The following PLXNA2 variants were observed in gnomAD, a reference collection of about 807,000 sequenced individuals.
PLXNA2 encodes the protein plexin-A2.
Under a neutral mutation model 193.5 loss-of-function variants are expected in PLXNA2, and 91 were observed. That is an observed-to-expected ratio of 0.47 (90% CI 0.40 to 0.56). The LOEUF (loss-of-function observed/expected upper bound fraction) is 0.56. PLXNA2 is among the 20% of genes least tolerant of loss of function. The pLI is 0.00. For synonymous variants in PLXNA2, 997 were observed against 1,027.3 expected, an observed-to-expected ratio of 0.97 and a Z score of 0.56; for missense variants, 1,995 against 2,503.2, an observed-to-expected ratio of 0.80 and a Z score of 4.33.
chr1:208,159,597 C>A (rs948550074), intron 3 of PLXNA2, among the ~76,000 whole-genome samples: 1 of 152,254 alleles, frequency 6.6e-6, no homozygotes, highest in East Asian at 1.9e-4. Flanking sequence ...CTCTGACAGC[C>A]AAGGGCTGGT....
At chr1:208,147,796 T>C (rs1668644712) in intron 3 of PLXNA2, among the ~76,000 whole-genome samples, 1 of 152,148 alleles carries the variant, frequency 6.6e-6, no homozygotes, top group African/African-American at 2.4e-5. Flanking sequence ...GCAGAGTAGA[T>C]GGGTCATCTA....
chr1:208,210,551 G>A, intron 2 of PLXNA2, 89 bp from the exon 3 acceptor site: 10 of 1,179,788 alleles, frequency 8.5e-6, no homozygotes, highest in Non-Finnish European at 1.2e-5. Flanking sequence ...TCCAGCCTTA[G>A]GACACCAGGC....
Position 208,030,320 on chromosome 1 carries a change from A to T in PLXNA2, c.5225+1270T>A, listed in dbSNP as rs1367468296. Reference sequence around the variant, plus strand: ...GATGCCAGGGTAGTCCATTTCTATTACTTGGATCTGGCCAGCACACAGAAG... The same window carrying T: ...GATGCCAGGGTAGTCCATTTCTATTTCTTGGATCTGGCCAGCACACAGAAG... On this transcript the variant is annotated intron_variant, in intron 29 of 31. Transcript: ENST00000367033. The T allele has an allele frequency of 5.1e-6, 5 of 985,506 alleles. No individual in the cohort carries two copies. The East Asian group carries it at 5.7e-4, about 112-fold the overall frequency. The allele number at this position is 985,506 out of a possible 1,614,324, so 61.0% of individuals were successfully genotyped here.
chr1:208,112,128 T>C (rs542820851), intron 4 of PLXNA2, among the ~76,000 whole-genome samples: 3 of 152,202 alleles, frequency 2.0e-5, no homozygotes, highest in Non-Finnish European at 2.9e-5. Context: ...CAAAGTTGGT[T>C]GAACTTTTCA....
At chr1:208,093,742 C>G (rs1316985096) in intron 8 of PLXNA2, among the ~76,000 whole-genome samples, 2 of 152,164 alleles carry the variant, frequency 1.3e-5, no homozygotes, top group African/African-American at 4.8e-5. Context: ...CTTTTCTTGC[C>G]AGGGTGAGCA....
chr1:208,083,090 A>G (rs1257423111), intron 10 of PLXNA2, among the ~76,000 whole-genome samples: 1 of 152,200 alleles, frequency 6.6e-6, no homozygotes, highest in Non-Finnish European at 1.5e-5. Flanking sequence ...CTCATCGAGC[A>G]GTCACCTGGC....
rs76391015 is a variant in PLXNA2, at chr1:208,127,100, C to A, written c.1506+15229G>T. 7.5e-3 allele frequency among the ~76,000 whole-genome samples: 1,136 copies of A among 152,294 alleles called. 13 individuals are homozygous for A. The highest frequency in any genetic ancestry group is 0.026 in the African/African-American group (1,069 of 41,552). ...ACTTGCACAAGAGGCTTTTAAAACT[C>A]CTTTCTCCAAATTTGAGGGAGGCAT... On this transcript the variant is annotated intron_variant, in intron 4 of 31. Coordinates refer to ENST00000367033, the MANE Select transcript of PLXNA2 (RefSeq NM_025179.4).
chr1:208,062,416 C>G (rs1005799496), intron 12 of PLXNA2, among the ~76,000 whole-genome samples: 1 of 152,208 alleles, frequency 6.6e-6, no homozygotes, highest in African/African-American at 2.4e-5. Context: ...AGAAAAGATG[C>G]CTCCTTCCCT....
intron 4 of PLXNA2, among the ~76,000 whole-genome samples, chr1:208,128,869 T>C (rs1668055390): frequency 6.6e-6 from 1 of 151,978 alleles, no homozygotes; most frequent in South Asian, 2.1e-4. Context: ...GCCTGGCTAA[T>C]TTTTTGTATT....
intron 12 of PLXNA2, among the ~76,000 whole-genome samples, chr1:208,068,021 C>T (rs888650139): frequency 6.6e-6 from 1 of 152,120 alleles, no homozygotes; most frequent in African/African-American, 2.4e-5. Context: ...ATTTACTAGC[C>T]CCTTCTTCTA....
chr1:208,036,954 T>C (rs1346362373), intron 26 of PLXNA2, among the ~76,000 whole-genome samples: 1 of 152,226 alleles, frequency 6.6e-6, no homozygotes, highest in African/African-American at 2.4e-5. Context: ...CATGCTATTT[T>C]CTTTTGTACT....
intron 26 of PLXNA2, among the ~76,000 whole-genome samples, chr1:208,036,215 A>G (rs1664665880): frequency 2.0e-5 from 3 of 152,170 alleles, no homozygotes; most frequent in African/African-American, 7.2e-5. Context: ...CAGAAATGAT[A>G]CCTGGAAAGC....
chr1:208,030,781 C>A (rs979477182), intron 29 of PLXNA2: 2 of 985,332 alleles, frequency 2.0e-6, no homozygotes, highest in East Asian at 1.1e-4. Context: ...CCCCTCTCCC[C>A]TCTCTGTGCT....
rs1671861662 is a variant in PLXNA2, at chr1:208,236,601, C to T, written c.-81+7042G>A. Among the ~76,000 whole-genome samples the T allele has an allele frequency of 6.6e-6, 1 of 152,322 alleles. No individual in the cohort carries two copies. Among genetic ancestry groups the T allele is most frequent in the South Asian group, 2.1e-4 (1 of 4,828 alleles). On this transcript the variant is annotated intron_variant, in intron 1 of 31. Coordinates refer to ENST00000367033, the MANE Select transcript of PLXNA2 (RefSeq NM_025179.4). The surrounding 1 kb of genome is among the most constrained non-coding windows in gnomAD (Gnocchi z 4.4). ...CCATAGTCACAGAGCAATCACAATC[C>T]ATAGGCTCCGCTGACATTCTGAGCT... is the stretch of plus-strand genomic sequence containing the variant.
At chr1:208,180,725 G>A (rs1305056950) in intron 3 of PLXNA2, among the ~76,000 whole-genome samples, 1 of 152,232 alleles carries the variant, frequency 6.6e-6, no homozygotes, top group Non-Finnish European at 1.5e-5. Flanking sequence ...GGAGACACGG[G>A]TGAGTCTTCA....
intron 2 of PLXNA2, among the ~76,000 whole-genome samples, chr1:208,215,295 C>T (rs1281351014): frequency 2.0e-5 from 3 of 152,116 alleles, no homozygotes; most frequent in Admixed American, 6.5e-5. Flanking sequence ...CGCACCCAGC[C>T]GATCATGTCT....
At chr1:208,192,356 G>A (rs1363744282) in intron 3 of PLXNA2, among the ~76,000 whole-genome samples, 1 of 151,986 alleles carries the variant, frequency 6.6e-6, no homozygotes, top group Non-Finnish European at 1.5e-5. Flanking sequence ...ATGGCAGGTG[G>A]TGACTGTGGT....
chr1:208,079,089 AC>A (rs1344347286), intron 12 of PLXNA2, among the ~76,000 whole-genome samples, 170 bp downstream of exon 12: 1 of 151,862 alleles, frequency 6.6e-6, no homozygotes, highest in Non-Finnish European at 1.5e-5. Context: ...TACCTCTTAT[AC>A]CTAGACAGGG....
intron 9 of PLXNA2, among the ~76,000 whole-genome samples, chr1:208,085,923 CCT>C (rs2102393362): frequency 6.6e-6 from 1 of 152,190 alleles, no homozygotes; most frequent in East Asian, 1.9e-4. Context: ...TGCTTCAGCC[CCT>C]CTTTTAGTTG....
Sources: allele counts gnomAD v4.1 joint callset (sites outside exome capture counted in the v4.1 genomes callset), GRCh38; gene constraint gnomAD v4.1.1; non-coding constraint Gnocchi (gnomAD v3.1); transcripts MANE v1.5; gene names NCBI Gene and HGNC (gene_info 2026-07-23, HGNC 2026-07-21).